The following OBI1 variants were observed in gnomAD, a reference collection of about 807,000 sequenced individuals.
OBI1 encodes ring finger protein 219.
A neutral mutation model predicts 62.4 loss-of-function variants in OBI1; 59 were observed. The observed-to-expected ratio is 0.95, with a 90% CI of 0.77 to 1.17. The LOEUF (loss-of-function observed/expected upper bound fraction) is 1.17. Among genes scored for constraint, OBI1 ranks in the 50% most tolerant of loss-of-function variants. OBI1 has a pLI of 0.00. For synonymous variants in OBI1, 302 were observed against 292.8 expected (o/e 1.03, Z -0.32); for missense variants, 875 against 830.9 (o/e 1.05, Z -0.65).
Position 78,639,180 on chromosome 13 carries a change from A to T in OBI1, c.301-109T>A, listed in dbSNP as rs143879144. 2.5e-4 allele frequency: 282 copies of T among 1,109,626 alleles called. 5 individuals are homozygous for T. In the East Asian group the frequency reaches 6.7e-3, roughly 26 times the overall value. 68.7% of individuals were successfully genotyped at this position (1,109,626 alleles called of 1,614,324 possible). On this transcript the variant is annotated intron_variant, in intron 3 of 5. Transcript: ENST00000282003. ...GAATTTTGTACTTAAAATTCTGTAG[A>T]TACATAGATTCTTTACATATCAAAA...
intron 5 of OBI1, among the ~76,000 whole-genome samples, chr13:78,620,101 C>T (rs912095075): frequency 1.3e-5 from 2 of 152,090 alleles, no homozygotes; most frequent in Non-Finnish European, 2.9e-5. Context: ...AGTAAGACTG[C>T]AAATAGATGA....
At chr13:78,633,753 T>C (rs1424067245) in intron 5 of OBI1, among the ~76,000 whole-genome samples, 2 of 152,148 alleles carry the variant, frequency 1.3e-5, no homozygotes, top group African/African-American at 4.8e-5. Context: ...TTGCAAATTC[T>C]TATCTTCTGG....
chr13:78,657,289 G>GA (rs11402361), intron 1 of OBI1, among the ~76,000 whole-genome samples: 55,450 of 148,006 alleles, frequency 0.37, 10,635 homozygotes, highest in African/African-American at 0.45. Context: ...ACCAATACAG[G>GA]AAAAAAAAAA....
intron 4 of OBI1, among the ~76,000 whole-genome samples, chr13:78,636,841 A>T (rs1042460510): frequency 2.0e-5 from 3 of 152,190 alleles, no homozygotes; most frequent in African/African-American, 7.2e-5. Flanking sequence ...ACAAGCTTAA[A>T]TTAGAAACTC....
chr13:78,641,294 C>G (rs1734216431), intron 3 of OBI1, among the ~76,000 whole-genome samples: 1 of 152,114 alleles, frequency 6.6e-6, no homozygotes, highest in Non-Finnish European at 1.5e-5. Flanking sequence ...ATAGCATTTT[C>G]ATAAAACAAG....
chr13:78,655,986 T>G (rs979620981), intron 1 of OBI1, among the ~76,000 whole-genome samples: 1 of 152,182 alleles, frequency 6.6e-6, no homozygotes, highest in Non-Finnish European at 1.5e-5. Flanking sequence ...AAATTCTGGA[T>G]GTACTGTGGC....
At chr13:78,617,627 C>T (rs1875356002) in intron 5 of OBI1, among the ~76,000 whole-genome samples, 1 of 152,120 alleles carries the variant, frequency 6.6e-6, no homozygotes, top group African/African-American at 2.4e-5. Flanking sequence ...TTAGCAGTCC[C>T]AGGAGGGGTG....
At chr13:78,632,426 T>C (rs1187843169) in intron 5 of OBI1, among the ~76,000 whole-genome samples, 2 of 152,154 alleles carry the variant, frequency 1.3e-5, no homozygotes, top group Non-Finnish European at 2.9e-5. Flanking sequence ...CCCTCTCTAG[T>C]GTCTAAACTT....
At chr13:78,648,357 A>C (rs1876450208) in intron 1 of OBI1, among the ~76,000 whole-genome samples, 1 of 151,904 alleles carries the variant, frequency 6.6e-6, no homozygotes, top group Middle Eastern at 3.4e-3. Flanking sequence ...TATATGCCCC[A>C]AAATTAGGAA....
In OBI1 at chr13:78,614,418, A is replaced by G. The variant is rs1452728664; in HGVS notation, c.*1162T>C. 3 of 152,630 alleles carry G rather than the reference A, an allele frequency of 2.0e-5. No homozygotes were observed. The highest frequency in any genetic ancestry group is 7.2e-5 in the African/African-American group (3 of 41,454). 9.5% of individuals were successfully genotyped at this position (152,630 alleles called of 1,614,324 possible). On this transcript the variant is annotated 3_prime_UTR_variant, in exon 6 of 6. Transcript: ENST00000282003. Reference sequence around the variant, plus strand: ...CATACATACCCATTTTTAAAGACCTATATAGGCATACCAAATACGTTTAGA... The same window carrying G: ...CATACATACCCATTTTTAAAGACCTGTATAGGCATACCAAATACGTTTAGA...
chr13:78,615,586 T>G lies in OBI1; in HGVS notation c.2175A>C (p.Lys725Asn). Residue 725 changes from lysine (K) to asparagine (N), a missense_variant, in exon 6 of 6, where the codon AAA (lysine) becomes AAC (asparagine). By Grantham distance (94) the Lys-to-Asn change is moderately conservative. Coordinates refer to ENST00000282003, the MANE Select transcript of OBI1 (RefSeq NM_024546.4). ...ATGACACCTTTCTAATGAGTCAACT[T>G]TTAGTTGCTTTTGATGGGCTGGCAC... ...LSSASPSKAT[K>N]S is the part of the protein sequence containing the mutation. The G allele has an allele frequency of 6.3e-7, 1 of 1,592,576 alleles. No homozygotes were observed. The highest frequency in any genetic ancestry group is 8.5e-7 in the Non-Finnish European group (1 of 1,171,582).
At chr13:78,627,908 T>C (rs1875725468) in intron 5 of OBI1, among the ~76,000 whole-genome samples, 1 of 152,244 alleles carries the variant, frequency 6.6e-6, no homozygotes, top group Non-Finnish European at 1.5e-5. Context: ...ACTTGTTTAT[T>C]CATTCAATTA....
At chr13:78,630,855 T>C (rs7325687) in intron 5 of OBI1, among the ~76,000 whole-genome samples, 39,514 of 152,020 alleles carry the variant, frequency 0.26, 5,526 homozygotes, top group East Asian at 0.33. Flanking sequence ...CTAACATAAA[T>C]GGTGTTTTCT....
At chr13:78,649,476 C>T (rs1298091597) in intron 1 of OBI1, among the ~76,000 whole-genome samples, 9 of 152,250 alleles carry the variant, frequency 5.9e-5, no homozygotes, top group African/African-American at 2.2e-4. Flanking sequence ...GATCAGTTAC[C>T]GACAAGCACT....
intron 3 of OBI1, 147 bp from the exon 4 acceptor site, chr13:78,639,218 G>A (rs1876128445): frequency 1.3e-6 from 1 of 771,536 alleles, no homozygotes; most frequent in Admixed American, 3.5e-5. Flanking sequence ...GTTTTGCAGG[G>A]AGAAAGTCAC....
chr13:78,649,788 T>C (rs970900929), intron 1 of OBI1, among the ~76,000 whole-genome samples: 4 of 152,096 alleles, frequency 2.6e-5, no homozygotes, highest in Admixed American at 1.3e-4. Context: ...TTTGTCTTCT[T>C]TTGCAACAGA....
rs763995541 is a variant in OBI1, at chr13:78,659,147, G to T, written c.-27C>A. 1.5e-5 allele frequency: 24 copies of T among 1,604,492 alleles called. No homozygotes were observed. Among genetic ancestry groups the T allele is most frequent in the Non-Finnish European group, 2.0e-5 (23 of 1,174,938 alleles). On this transcript the variant is annotated 5_prime_UTR_variant, in exon 1 of 6. Coordinates refer to ENST00000282003, the MANE Select transcript of OBI1 (RefSeq NM_024546.4). The stretch of plus-strand genomic sequence containing the variant: ...GCAGCGTTCAGAATCCCGCCAACAC[G>T]GAAGTCCCGCCGACCTACCGCTACT...
At chr13:78,638,654 A>C (rs951886950) in intron 4 of OBI1, among the ~76,000 whole-genome samples, 169 bp downstream of exon 4, 1 of 152,226 alleles carries the variant, frequency 6.6e-6, no homozygotes, top group Admixed American at 6.5e-5. Context: ...GCAGTTAATG[A>C]TATTTAAATA....
chr13:78,639,064 A>G lies in OBI1; in HGVS notation c.308T>C (p.Ile103Thr). 1 of 1,612,304 alleles carries G rather than the reference A, an allele frequency of 6.2e-7. No individual in the cohort carries two copies. Among genetic ancestry groups the G allele is most frequent in the Non-Finnish European group, 8.5e-7 (1 of 1,179,298 alleles). The change falls in exon 4 of 6, where the codon ATA becomes ACA. Residue 103 changes from isoleucine to threonine, a missense_variant. Ile to Thr is a moderately conservative substitution (Grantham distance 89, BLOSUM62 -1). Coordinates refer to ENST00000282003, the MANE Select transcript of OBI1 (RefSeq NM_024546.4). ...ELLHKEYEDEIDCLQKEVEEL... is the reference protein window; with the variant it reads ...ELLHKEYEDETDCLQKEVEEL... Reference sequence around the variant, plus strand: ...TTCTACTTCTTTCTGTAAACAATCTATTTCGTCCTGAAAAAGCATTGCATA... The same window carrying G: ...TTCTACTTCTTTCTGTAAACAATCTGTTTCGTCCTGAAAAAGCATTGCATA...
Sources: gnomAD v4.1 joint callset for allele counts (sites outside exome capture counted in the v4.1 genomes callset) on GRCh38, gnomAD v4.1.1 for gene constraint, MANE v1.5 for transcripts, NCBI Gene and HGNC (gene_info 2026-07-23, HGNC 2026-07-21) for gene names.